The following MED9 variants were observed in gnomAD, a reference collection of about 807,000 sequenced individuals.
The protein encoded by MED9 is mediator of RNA polymerase II transcription subunit 9.
A neutral mutation model predicts 13.2 loss-of-function variants in MED9; 8 were observed. That is an observed-to-expected ratio of 0.61 (90% CI 0.36 to 1.10). The LOEUF (loss-of-function observed/expected upper bound fraction) is 1.10, where lower values mean the gene tolerates loss of function less well. Ranked by LOEUF, MED9 falls within the 50% of genes least tolerant of loss-of-function variation. MED9 has a pLI of 0.02. For missense variants in MED9, 180 were observed against 193.4 expected (o/e 0.93, Z 0.41); for synonymous variants, 87 against 82.8 (o/e 1.05, Z -0.28).
rs1905142461 is a variant in MED9 at position 17,486,925 on chromosome 17, C to T, written c.225-4354C>T. 2.0e-5 allele frequency: 3 copies of T among 152,460 alleles called. No homozygotes were observed. The South Asian group carries it at 6.2e-4, about 32-fold the overall frequency. The allele number at this position is 152,460 out of a possible 1,614,324, so 9.4% of individuals were successfully genotyped here. On this transcript the variant is annotated intron_variant, in intron 1 of 1. Transcript: ENST00000268711. ...GTTTGTGAGTGCACCAATCTACACT[C>T]TGTATCTAGCTGCTCTGGTGGGGAC...
At chr17:17,481,749 C>G (rs1277126766) in intron 1 of MED9, among the ~76,000 whole-genome samples, 1 of 152,220 alleles carries the variant, frequency 6.6e-6, no homozygotes, top group African/African-American at 2.4e-5. Context: ...ATTACCAGCA[C>G]AGTGCTGGGG....
chr17:17,488,650 G>C (rs137924563), intron 1 of MED9, among the ~76,000 whole-genome samples: 3,716 of 152,188 alleles, frequency 0.024, 85 homozygotes, highest in Non-Finnish European at 0.039. Context: ...CCTGGCCAAC[G>C]TGGAGAAACA....
rs1349978883 is a variant in MED9 at position 17,491,412 on chromosome 17, A to G, written c.358A>G (p.Ser120Gly). 6.2e-7 allele frequency: 1 copy of G among 1,614,120 alleles called. No individual in the cohort carries two copies. The highest frequency in any genetic ancestry group is 1.1e-5 in the South Asian group (1 of 91,088). ...CGAACAGCAGCAGCAGCAGCTGCAG[A>G]GCCTCCGGGAGCAAGTCAGGACCAA... ...SPEQQQQQLQ[S>G]LREQVRTKNE... Residue 120 changes from serine to glycine, a missense_variant, in exon 2 of 2, where the codon AGC (serine) becomes GGC (glycine). Physicochemically the swap from Ser to Gly is moderately conservative, Grantham distance 56. Transcript: ENST00000268711.
At chr17:17,477,334 C>T in intron 1 of MED9, 69 bp downstream of exon 1, 1 of 1,475,498 alleles carries the variant, frequency 6.8e-7, no homozygotes, top group Non-Finnish European at 9.0e-7. Flanking sequence ...TTCAGAGCTG[C>T]AAGAGGCCTT....
At chr17:17,490,293 G>A (rs573939282) in intron 1 of MED9, among the ~76,000 whole-genome samples, 2 of 152,140 alleles carry the variant, frequency 1.3e-5, no homozygotes, top group African/African-American at 4.8e-5. Context: ...AAAATTATCC[G>A]GGCGTGTTGG....
chr17:17,485,569 G>A, intron 1 of MED9: 1 of 377,914 alleles, frequency 2.6e-6, no homozygotes. Flanking sequence ...ACAGGTGCAA[G>A]CCTGGGGGTC....
chr17:17,478,728 C>T (rs1372743996), intron 1 of MED9, among the ~76,000 whole-genome samples: 3 of 151,864 alleles, frequency 2.0e-5, no homozygotes, highest in Non-Finnish European at 4.4e-5. Context: ...GTGGTGGCGG[C>T]TGCCTGTAAT....
At chr17:17,479,461 A>T (rs1904989270) in intron 1 of MED9, among the ~76,000 whole-genome samples, 1 of 151,644 alleles carries the variant, frequency 6.6e-6, no homozygotes, top group Non-Finnish European at 1.5e-5. Context: ...TGTGAAACAT[A>T]GTGGGTTGAT....
intron 1 of MED9, among the ~76,000 whole-genome samples, chr17:17,480,319 C>T (rs147068367): frequency 1.4e-4 from 21 of 151,428 alleles, no homozygotes; most frequent in African/African-American, 4.9e-4. Context: ...CTCTATGGTG[C>T]GTGACCAATT....
chr17:17,492,740 AGCAGAT>A lies in MED9; in HGVS notation c.*1248_*1253del. 6.6e-6 allele frequency: 1 copy of A among 152,438 alleles called. No homozygotes were observed. Among genetic ancestry groups the A allele is most frequent in the South Asian group, 2.1e-4 (1 of 4,834 alleles). The allele number at this position is 152,438 out of a possible 1,614,324, so 9.4% of individuals were successfully genotyped here. A position where few individuals can be genotyped will look rare whatever the true frequency, so the allele number is the denominator to read the frequency against. ...CCTGCGCTGACCAGTTTAGGGGCTTAGCAGATGCCTGCCAGCTGACCTCGTTGGCAG... is the reference window on the plus strand; with the variant it reads ...CCTGCGCTGACCAGTTTAGGGGCTTAGCCTGCCAGCTGACCTCGTTGGCAG... On this transcript the variant is annotated 3_prime_UTR_variant, in exon 2 of 2. Transcript: ENST00000268711.
At chr17:17,478,642 G>A (rs765105832) in intron 1 of MED9, among the ~76,000 whole-genome samples, 4 of 152,036 alleles carry the variant, frequency 2.6e-5, no homozygotes, top group Non-Finnish European at 4.4e-5. Flanking sequence ...GGCGGATCAC[G>A]AGGTCAGAGT....
At chr17:17,487,007 A>T (rs1222026160) in intron 1 of MED9, 1 of 148,570 alleles carries the variant, frequency 6.7e-6, no homozygotes. Context: ...GGCACTCTGT[A>T]TCTAGCTCAA....
intron 1 of MED9, chr17:17,477,491 A>G: frequency 1.9e-6 from 1 of 537,026 alleles, no homozygotes; most frequent in South Asian, 2.7e-5. Flanking sequence ...GAATGAAGCC[A>G]GCTTAGAGAC....
At position 17,483,450 on chromosome 17, in the gene MED9, G is replaced by A. The variant is rs923907562; in HGVS notation, c.224+6185G>A. Among the ~76,000 whole-genome samples the A allele has an allele frequency of 6.6e-6, 1 of 152,114 alleles. No homozygotes were observed. Among genetic ancestry groups the A allele is most frequent in the Non-Finnish European group, 1.5e-5 (1 of 68,034 alleles). On this transcript the variant is annotated intron_variant, in intron 1 of 1. Coordinates refer to ENST00000268711, the MANE Select transcript of MED9 (RefSeq NM_018019.3). This position sits in a 1 kb window ranked among gnomAD's most constrained non-coding sequence, Gnocchi z 4.2. The stretch of plus-strand genomic sequence containing the variant: ...ACCCTCCAGCCCCTCCACTAGAAGT[G>A]CCCACAGAAATGCTGCACAGAGCCC...
rs1259169286 is a variant in MED9 at position 17,491,351 on chromosome 17, G to A, written c.297G>A (p.Lys99=). Residue 99 remains lysine, a synonymous_variant, in exon 2 of 2, where the codon AAG becomes AAA. Coordinates refer to ENST00000268711, the MANE Select transcript of MED9 (RefSeq NM_018019.3). ...AAAGCAAGTTCCAGGAGATGCGCAA[G>A]CTCATCAGCACCATGCCCGGCATCC... The part of the protein sequence containing the change: ...ALKSKFQEMR[K]LISTMPGIHL... 6.2e-7 allele frequency: 1 copy of A among 1,613,928 alleles called. No homozygotes were observed. The highest frequency in any genetic ancestry group is 2.2e-5 in the East Asian group (1 of 44,900).
In MED9 at chr17:17,491,286, A is replaced by C. The variant is rs1330624683; in HGVS notation, c.232A>C (p.Lys78Gln). Residue 78 changes from lysine to glutamine, a missense_variant, in exon 2 of 2, where the codon AAG (lysine) becomes CAG (glutamine). By Grantham distance (53) the Lys-to-Gln change is moderately conservative. Transcript: ENST00000268711. The stretch of plus-strand genomic sequence containing the variant: ...GCTGTTCTTCCCCCACAGCATGGAC[A>C]AGGACAGCCCGGAGGTCCACCAGGA... ...LVHNIIKCMDKDSPEVHQDLN... is the reference protein window; with the variant it reads ...LVHNIIKCMDQDSPEVHQDLN... The C allele has an allele frequency of 6.2e-7, 1 of 1,613,070 alleles. No homozygotes were observed. The highest frequency in any genetic ancestry group is 8.5e-7 in the Non-Finnish European group (1 of 1,179,860).
Position 17,491,854 on chromosome 17 carries a change from A to G in MED9, c.*359A>G. On this transcript the variant is annotated 3_prime_UTR_variant, in exon 2 of 2. Coordinates refer to ENST00000268711, the MANE Select transcript of MED9 (RefSeq NM_018019.3). ...CACTGACAGATCTGAAGAGCACAGT[A>G]GGAAGGGAGGCGGCTCCTCTTTGCT... The G allele has an allele frequency of 3.2e-6, 1 of 314,328 alleles. No individual in the cohort carries two copies. Among genetic ancestry groups the G allele is most frequent in the Non-Finnish European group, 6.1e-6 (1 of 162,954 alleles). 19.5% of individuals were successfully genotyped at this position (314,328 alleles called of 1,614,324 possible). A position where few individuals can be genotyped will look rare whatever the true frequency, so the allele number is the denominator to read the frequency against.
chr17:17,492,400 GC>G lies in MED9; in HGVS notation c.*906del, dbSNP rs1414094714. 1 of 152,254 alleles carries G rather than the reference GC, an allele frequency of 6.6e-6. No homozygotes were observed. The highest frequency in any genetic ancestry group is 6.5e-5 in the Admixed American group (1 of 15,284). The allele number at this position is 152,254 out of a possible 1,614,324, so 9.4% of individuals were successfully genotyped here. A position where few individuals can be genotyped will look rare whatever the true frequency, so the allele number is the denominator to read the frequency against. On this transcript the variant is annotated 3_prime_UTR_variant, in exon 2 of 2. Transcript: ENST00000268711. The stretch of plus-strand genomic sequence containing the variant: ...TCTTTCCCTCGTGGCCTTTGCACTT[GC>G]GGCAGCAACGTGTACTACACTGCAG...
intron 1 of MED9, among the ~76,000 whole-genome samples, chr17:17,489,956 A>G (rs1319697737): frequency 1.3e-5 from 2 of 152,276 alleles, no homozygotes; most frequent in Non-Finnish European, 2.9e-5. Context: ...GTAAACATGA[A>G]TTAGCACCAT....
Sources: gnomAD v4.1 joint callset for allele counts (sites outside exome capture counted in the v4.1 genomes callset) on GRCh38, gnomAD v4.1.1 for gene constraint, Gnocchi (gnomAD v3.1) non-coding constraint, MANE v1.5 for transcripts, NCBI Gene and HGNC (gene_info 2026-07-23, HGNC 2026-07-21) for gene names.